The following FNBP1 variants were observed in gnomAD, a reference collection of about 807,000 sequenced individuals.
FNBP1 encodes formin binding protein 1.
In FNBP1, 26 loss-of-function variants were observed where a neutral mutation model predicts 90.6. That is an observed-to-expected ratio of 0.29 (90% CI 0.21 to 0.40). FNBP1 has a LOEUF of 0.40. Among genes scored for constraint, FNBP1 ranks in the 10% least tolerant of loss-of-function variants. FNBP1 has a pLI of 1.00. For synonymous variants in FNBP1, 260 were observed against 265.2 expected (o/e 0.98, Z 0.19); for missense variants, 635 against 768.0 (o/e 0.83, Z 2.05).
intron 1 of FNBP1, among the ~76,000 whole-genome samples, chr9:130,021,256 A>G (rs1367326163): frequency 6.6e-6 from 1 of 152,184 alleles, no homozygotes; most frequent in African/African-American, 2.4e-5. Flanking sequence ...GGCACAATAC[A>G]TGTTTGTGGA....
intron 1 of FNBP1, among the ~76,000 whole-genome samples, chr9:129,996,909 G>A (rs1009296711): frequency 6.6e-6 from 1 of 152,108 alleles, no homozygotes; most frequent in East Asian, 2.0e-4. Context: ...TGCCCAGGCT[G>A]GTCTTGAATT....
intron 1 of FNBP1, among the ~76,000 whole-genome samples, chr9:130,032,143 T>C (rs1428326078): frequency 6.6e-6 from 1 of 151,916 alleles, no homozygotes. Flanking sequence ...AAATAGCCTA[T>C]TTTTAAGGAT....
In FNBP1 at chr9:130,041,135, CCT is replaced by C. The variant is rs2059791878; in HGVS notation, c.24+1815_24+1816del. On this transcript the variant is annotated intron_variant, in intron 1 of 16. Transcript: ENST00000446176. This position sits in a 1 kb window ranked among gnomAD's most constrained non-coding sequence, Gnocchi z 4.3. ...TATAGGCCTGAGCCACTGCGCCCGG[CCT>C]CTCTCATTTATTTTCAATCACTCCT... is the stretch of plus-strand genomic sequence containing the variant. Among the ~76,000 whole-genome samples the C allele has an allele frequency of 6.6e-6, 1 of 151,880 alleles. No homozygotes were observed. Among genetic ancestry groups the C allele is most frequent in the South Asian group, 2.1e-4 (1 of 4,804 alleles).
chr9:130,008,971 A>G (rs923172614), intron 1 of FNBP1, among the ~76,000 whole-genome samples: 1 of 152,196 alleles, frequency 6.6e-6, no homozygotes. Flanking sequence ...AATGCAATCC[A>G]AAGACTAAAG....
At chr9:129,954,270 G>A (rs185707852) in intron 6 of FNBP1, among the ~76,000 whole-genome samples, 31 of 152,074 alleles carry the variant, frequency 2.0e-4, no homozygotes, top group African/African-American at 5.8e-4. Flanking sequence ...TATGGAATCC[G>A]TAGTTTGTAA....
chr9:130,048,314 C>CAAAAAAAAA, the FNBP1 span, among the ~76,000 whole-genome samples: 1,166 of 50,688 alleles, frequency 0.023, 239 homozygotes, highest in East Asian at 0.028. Context: ...GACTCCATCT[C>CAAAAAAAAA]AAAAAAAAAA....
At chr9:129,935,121 ATTT>A (rs11410932) in intron 6 of FNBP1, among the ~76,000 whole-genome samples, 5 of 127,040 alleles carry the variant, frequency 3.9e-5, no homozygotes, top group Admixed American at 8.3e-5. Flanking sequence ...TGTTTAGCTC[ATTT>A]TTTTTTTTTT....
At chr9:129,925,890 G>A (rs1588597059) in intron 8 of FNBP1, among the ~76,000 whole-genome samples, 1 of 151,352 alleles carries the variant, frequency 6.6e-6, no homozygotes, top group Admixed American at 6.6e-5. Context: ...CACCACAGCT[G>A]GCCAGCTTTT....
chr9:130,033,097 T>G (rs903290508), intron 1 of FNBP1, among the ~76,000 whole-genome samples: 4 of 152,172 alleles, frequency 2.6e-5, no homozygotes, highest in Non-Finnish European at 4.4e-5. Flanking sequence ...GACCAGAGTT[T>G]TTTTCATTAA....
rs928800960 is a variant in FNBP1, at chr9:130,043,133, G to A, written c.-158C>T. The A allele has an allele frequency of 1.9e-5, 10 of 533,594 alleles. No homozygotes were observed. The highest frequency in any genetic ancestry group is 1.1e-3 in the Middle Eastern group (2 of 1,840). The allele number at this position is 533,594 out of a possible 1,614,324, so 33.1% of individuals were successfully genotyped here. On this transcript the variant is annotated 5_prime_UTR_variant, in exon 1 of 17. Coordinates refer to ENST00000446176, the MANE Select transcript of FNBP1 (RefSeq NM_015033.3). ...GCAGCTCCTCGCCCGGGGTCTCCTC[G>A]GCGGCTCCTCCTCCCCGCCGCTCCA...
In FNBP1 at chr9:130,041,004, C is replaced by CTTTT. The variant is rs71387303; in HGVS notation, c.24+1944_24+1947dup. 1.3e-4 allele frequency among the ~76,000 whole-genome samples: 18 copies of CTTTT among 134,692 alleles called. 2 individuals are homozygous for CTTTT. The highest frequency in any genetic ancestry group is 1.2e-3 in the Admixed American group (16 of 13,298). The allele number at this position is 134,692 out of a possible 152,430, so 88.4% of individuals were successfully genotyped here. On this transcript the variant is annotated intron_variant, in intron 1 of 16. Coordinates refer to ENST00000446176, the MANE Select transcript of FNBP1 (RefSeq NM_015033.3). The surrounding 1 kb of genome is among the most constrained non-coding windows in gnomAD (Gnocchi z 4.3). ...TTTTTTCTTTTTTCTTTTTTCTTTT[C>CTTTT]TTTTTTTTTTTTTTAAGAGGAGGCC...
At position 130,031,953 on chromosome 9, in the gene FNBP1, C is replaced by A. The variant is rs770232586; in HGVS notation, c.24+10999G>T. On this transcript the variant is annotated intron_variant, in intron 1 of 16. Transcript: ENST00000446176. This position sits in a 1 kb window ranked among gnomAD's most constrained non-coding sequence, Gnocchi z 4.2. ...CTGGTATTACAGGAGTGAGCCACTG[C>A]GCCTGGCCTGATGAAATTTTTACAA... is the stretch of plus-strand genomic sequence containing the variant. Among the ~76,000 whole-genome samples the A allele has an allele frequency of 6.6e-6, 1 of 152,050 alleles. No individual in the cohort carries two copies. Among genetic ancestry groups the A allele is most frequent in the Non-Finnish European group, 1.5e-5 (1 of 68,024 alleles).
At chr9:130,051,286 C>T in the FNBP1 span, among the ~76,000 whole-genome samples, 3 of 152,162 alleles carry the variant, frequency 2.0e-5, no homozygotes, top group African/African-American at 4.8e-5. Flanking sequence ...ATCCACCAGC[C>T]TTGGCCTCCC....
Position 129,908,929 on chromosome 9 carries a change from T to G in FNBP1, c.1256A>C (p.Asp419Ala), listed in dbSNP as rs1353813733. ...CTTCTGAATTTCTTTATTTAACTCA[T>G]CGACTTTCTGCTGCAGCTTTTTCCT... is the stretch of plus-strand genomic sequence containing the variant. ...QRRKKLQQKVDELNKEIQKEM... is the reference protein window; with the variant it reads ...QRRKKLQQKVAELNKEIQKEM... Residue 419 changes from aspartate (D) to alanine (A), a missense_variant, in exon 12 of 17, where the codon GAT becomes GCT. Transcript: ENST00000446176. 6.2e-7 allele frequency: 1 copy of G among 1,613,496 alleles called. No individual in the cohort carries two copies. Among genetic ancestry groups the G allele is most frequent in the Non-Finnish European group, 8.5e-7 (1 of 1,179,734 alleles).
At chr9:129,990,787 T>C (rs1175091810) in intron 2 of FNBP1, among the ~76,000 whole-genome samples, 1 of 152,094 alleles carries the variant, frequency 6.6e-6, no homozygotes, top group Non-Finnish European at 1.5e-5. Flanking sequence ...CCATGTGACA[T>C]GGACCACAGT....
At chr9:129,981,109 A>G (rs1433080081) in intron 2 of FNBP1, among the ~76,000 whole-genome samples, 3 of 151,292 alleles carry the variant, frequency 2.0e-5, no homozygotes, top group Non-Finnish European at 4.4e-5. Flanking sequence ...TTTGTTTGAG[A>G]CAGAGTTTCA....
chr9:130,026,802 AACAAAAC>A (rs2058381721), intron 1 of FNBP1, among the ~76,000 whole-genome samples: 1 of 151,740 alleles, frequency 6.6e-6, no homozygotes, highest in Non-Finnish European at 1.5e-5. Flanking sequence ...AAAAACAAAA[AACAAAAC>A]ACAAAAATTA....
intron 12 of FNBP1, among the ~76,000 whole-genome samples, chr9:129,905,747 T>C (rs2037912254): frequency 6.6e-6 from 1 of 152,212 alleles, no homozygotes; most frequent in African/African-American, 2.4e-5. Context: ...TAAATCTCTC[T>C]ATATGCGTGG....
chr9:129,970,880 T>TTTTTG (rs1022792626), intron 4 of FNBP1, among the ~76,000 whole-genome samples: 10 of 152,130 alleles, frequency 6.6e-5, no homozygotes, highest in Middle Eastern at 3.4e-3. Context: ...GTGAATCTGC[T>TTTTTG]TTTTGTTTTG....
Sources: gnomAD v4.1 joint callset for allele counts (sites outside exome capture counted in the v4.1 genomes callset) on GRCh38, gnomAD v4.1.1 for gene constraint, Gnocchi (gnomAD v3.1) non-coding constraint, MANE v1.5 for transcripts, NCBI Gene and HGNC (gene_info 2026-07-23, HGNC 2026-07-21) for gene names.